Variants in KLHL29 observed in about 807,000 individuals in gnomAD.
KLHL29 encodes kelch-like protein 29.
KLHL29 carries 21 observed loss-of-function variants against 80.4 expected under a neutral mutation model. That is an observed-to-expected ratio of 0.26 (90% confidence interval 0.19 to 0.38). The LOEUF (loss-of-function observed/expected upper bound fraction) is 0.38, where lower values mean the gene tolerates loss of function less well. Among genes scored for constraint, KLHL29 ranks in the 10% least tolerant of loss-of-function variants. The probability of loss-of-function intolerance (pLI) is 1.00; values close to 1 mark genes in which losing one functional copy is unlikely to be tolerated. For missense variants in KLHL29, 867 were observed against 1,223.9 expected (o/e 0.71, Z 4.35); for synonymous variants, 511 against 526.8 (o/e 0.97, Z 0.41).
chr2:23,387,649 C>T (rs1316541614), intron 1 of KLHL29, among the ~76,000 whole-genome samples: 1 of 152,000 alleles, frequency 6.6e-6, no homozygotes, highest in Non-Finnish European at 1.5e-5. Context: ...GTCCAGTAAG[C>T]ACTAGTGAAT....
chr2:23,536,918 A>ACACT (rs143009876), intron 2 of KLHL29, among the ~76,000 whole-genome samples: 10 of 140,736 alleles, frequency 7.1e-5, no homozygotes, highest in Admixed American at 2.8e-4. Flanking sequence ...ACACACACAC[A>ACACT]CTCTCTCTCT....
chr2:23,603,810 C>T (rs1022207507), intron 3 of KLHL29, among the ~76,000 whole-genome samples: 3 of 152,202 alleles, frequency 2.0e-5, no homozygotes, highest in African/African-American at 7.2e-5. Flanking sequence ...CACGGTCCAG[C>T]GGGAAAGGAA....
intron 1 of KLHL29, among the ~76,000 whole-genome samples, chr2:23,403,945 C>G (rs1449577889): frequency 6.6e-6 from 1 of 152,122 alleles, no homozygotes. Flanking sequence ...GACTTTGCAT[C>G]CTTTCTCAGG....
At chr2:23,451,122 T>C (rs1490979997) in intron 1 of KLHL29, among the ~76,000 whole-genome samples, 1 of 152,224 alleles carries the variant, frequency 6.6e-6, no homozygotes, top group Non-Finnish European at 1.5e-5. Context: ...GCCAGATGGC[T>C]GAGTTTGAAT....
intron 1 of KLHL29, among the ~76,000 whole-genome samples, chr2:23,446,577 T>G (rs528723099): frequency 6.6e-6 from 1 of 152,306 alleles, no homozygotes; most frequent in African/African-American, 2.4e-5. Context: ...TACCAATCTG[T>G]GCTATTTTGG....
chr2:23,627,161 C>T (rs1278688152), intron 3 of KLHL29, among the ~76,000 whole-genome samples: 2 of 152,326 alleles, frequency 1.3e-5, no homozygotes, highest in African/African-American at 2.4e-5. Context: ...TGCCTCCTGC[C>T]GTGGGCCTCC....
intron 5 of KLHL29, chr2:23,670,099 A>G (rs1362238848): frequency 1.3e-5 from 2 of 151,850 alleles, no homozygotes; most frequent in Non-Finnish European, 2.9e-5. Flanking sequence ...AGGCGTGTAG[A>G]TCGTCACGTG....
At position 23,596,025 on chromosome 2, in the gene KLHL29, G is replaced by A. The variant is rs1237578541; in HGVS notation, c.285+33544G>A. Among the ~76,000 whole-genome samples the A allele has an allele frequency of 6.6e-6, 1 of 152,204 alleles. No homozygotes were observed. The highest frequency in any genetic ancestry group is 1.5e-5 in the Non-Finnish European group (1 of 68,028). Reference sequence around the variant, plus strand: ...CCCCGTGGTTTGTCAGGAGGACACCGTTTTGTGGCATTGGGTCCACATTTG... The same window carrying A: ...CCCCGTGGTTTGTCAGGAGGACACCATTTTGTGGCATTGGGTCCACATTTG... On this transcript the variant is annotated intron_variant, in intron 3 of 13. Coordinates refer to ENST00000486442, the MANE Select transcript of KLHL29 (RefSeq NM_052920.2). The surrounding 1 kb of genome is among the most constrained non-coding windows in gnomAD (Gnocchi z 4.4).
At chr2:23,436,306 G>GTGTGTGTC (rs1663341450) in intron 1 of KLHL29, among the ~76,000 whole-genome samples, 1 of 151,352 alleles carries the variant, frequency 6.6e-6, no homozygotes, top group African/African-American at 2.4e-5. Flanking sequence ...GTGTGTGTGT[G>GTGTGTGTC]TGTGTGTGTG....
chr2:23,609,497 G>A (rs1668805118), intron 3 of KLHL29, among the ~76,000 whole-genome samples: 1 of 152,094 alleles, frequency 6.6e-6, no homozygotes. Context: ...TTGTGAAATA[G>A]AGAGCAGGTG....
At chr2:23,489,313 C>T (rs543448590) in intron 2 of KLHL29, among the ~76,000 whole-genome samples, 1 of 152,246 alleles carries the variant, frequency 6.6e-6, no homozygotes, top group Admixed American at 6.5e-5. Context: ...GATGGATTGT[C>T]TCTGACACTA....
rs1558436527 is a variant in KLHL29 at position 23,679,826 on chromosome 2, C to T, written c.941-4573C>T. Reference sequence around the variant, plus strand: ...GGGAAGGAGGCAAAGAGGCCCAGGACAAAATAACACTTTCCCTGGTGGTGA... The same window carrying T: ...GGGAAGGAGGCAAAGAGGCCCAGGATAAAATAACACTTTCCCTGGTGGTGA... On this transcript the variant is annotated intron_variant, in intron 5 of 13. Transcript: ENST00000486442. Among the ~76,000 whole-genome samples, 3 of 152,214 alleles carry T rather than the reference C, an allele frequency of 2.0e-5. No homozygotes were observed. The East Asian group carries it at 5.8e-4, about 29-fold the overall frequency.
At chr2:23,486,051 C>A (rs953701155) in intron 2 of KLHL29, among the ~76,000 whole-genome samples, 4 of 152,174 alleles carry the variant, frequency 2.6e-5, no homozygotes, top group Non-Finnish European at 5.9e-5. Context: ...CATCCTGCAG[C>A]CTTCGCTTGC....
chr2:23,568,915 G>A (rs72849625), intron 3 of KLHL29, among the ~76,000 whole-genome samples: 22,268 of 152,148 alleles, frequency 0.15, 2,265 homozygotes, highest in Admixed American at 0.26. Flanking sequence ...CAGGACCCAC[G>A]TACATCTATC....
chr2:23,635,212 G>T (rs150499335), intron 3 of KLHL29, among the ~76,000 whole-genome samples: 134 of 152,356 alleles, frequency 8.8e-4, no homozygotes, highest in Admixed American at 2.9e-3. Flanking sequence ...TCGCAGACTC[G>T]TGGGTACACA....
chr2:23,603,211 G>GCC (rs1454737801), intron 3 of KLHL29, among the ~76,000 whole-genome samples: 1 of 152,144 alleles, frequency 6.6e-6, no homozygotes, highest in Non-Finnish European at 1.5e-5. Context: ...CGTGAGAAAT[G>GCC]CCCACCCTGT....
At chr2:23,514,582 T>C (rs1291606607) in intron 2 of KLHL29, among the ~76,000 whole-genome samples, 1 of 152,218 alleles carries the variant, frequency 6.6e-6, no homozygotes, top group African/African-American at 2.4e-5. Context: ...CAGAATTCTT[T>C]GGCACCTCTG....
intron 3 of KLHL29, among the ~76,000 whole-genome samples, chr2:23,577,307 C>T (rs1359233001): frequency 5.9e-5 from 9 of 151,516 alleles, no homozygotes; most frequent in African/African-American, 1.2e-4. Flanking sequence ...ACGAAATAGC[C>T]GGGCATGGTG....
At chr2:23,405,333 T>C (rs1322367392) in intron 1 of KLHL29, among the ~76,000 whole-genome samples, 1 of 152,238 alleles carries the variant, frequency 6.6e-6, no homozygotes, top group East Asian at 1.9e-4. Flanking sequence ...ATGTGGCCAG[T>C]TGTTAGTTTG....
Sources: gnomAD v4.1 joint callset for allele counts (sites outside exome capture counted in the v4.1 genomes callset) on GRCh38, gnomAD v4.1.1 for gene constraint, Gnocchi (gnomAD v3.1) non-coding constraint, MANE v1.5 for transcripts, NCBI Gene and HGNC (gene_info 2026-07-23, HGNC 2026-07-21) for gene names.